RSRC1: variants seen among roughly 807,000 people sequenced by gnomAD.
RSRC1 encodes the protein serine/Arginine-related protein 53.
In RSRC1, 39 loss-of-function variants were observed where a neutral mutation model predicts 49.1. The observed-to-expected ratio is 0.79, with a 90% confidence interval of 0.61 to 1.04. The LOEUF is 1.04. Ranked by LOEUF, RSRC1 falls within the 50% of genes least tolerant of loss-of-function variation. The pLI is 0.00. For synonymous variants in RSRC1, 143 were observed against 130.8 expected (o/e 1.09, Z -0.63); for missense variants, 388 against 402.4 (o/e 0.96, Z 0.31).
intron 6 of RSRC1, among the ~76,000 whole-genome samples, chr3:158,411,169 A>G (rs1734445499): frequency 6.6e-6 from 1 of 152,096 alleles, no homozygotes; most frequent in African/African-American, 2.4e-5. Context: ...TGAACATATT[A>G]CAAACTTTTT....
chr3:158,290,199 A>G (rs1269641994), intron 4 of RSRC1, among the ~76,000 whole-genome samples: 1 of 152,134 alleles, frequency 6.6e-6, no homozygotes, highest in Non-Finnish European at 1.5e-5. Flanking sequence ...GGCGAGAAAA[A>G]TTTGAGAAAT....
rs184558350 is a variant in RSRC1 at position 158,260,049 on chromosome 3, G to T, written c.495-37990G>T. Among the ~76,000 whole-genome samples, 5 of 152,194 alleles carry T rather than the reference G, an allele frequency of 3.3e-5. No individual in the cohort carries two copies. In the South Asian group the frequency reaches 1.0e-3, roughly 32 times the overall value. ...CAAGGCCTGGAATTGAGGACCCCAG[G>T]TGTCCACTTGGTGCTCTACCCCAGT... On this transcript the variant is annotated intron_variant, in intron 4 of 9. Coordinates refer to ENST00000611884, the MANE Select transcript of RSRC1 (RefSeq NM_001271838.2).
At position 158,482,005 on chromosome 3, in the gene RSRC1, A is replaced by G. The variant is rs1322269134; in HGVS notation, c.652+21002A>G. Among the ~76,000 whole-genome samples, 7 of 152,038 alleles carry G rather than the reference A, an allele frequency of 4.6e-5. No individual in the cohort carries two copies. In the East Asian group the frequency reaches 7.7e-4, roughly 17 times the overall value. ...AAGGAATCCTAAAAACTCAGAGTAA[A>G]GAGTTCATTTTGAAAATGCAGAATT... On this transcript the variant is annotated intron_variant, in intron 7 of 9. Transcript: ENST00000611884.
chr3:158,157,985 G>A (rs568206488), intron 3 of RSRC1, among the ~76,000 whole-genome samples: 1 of 151,598 alleles, frequency 6.6e-6, no homozygotes, highest in South Asian at 2.1e-4. Flanking sequence ...TTTTTTAACT[G>A]TTACTATTTA....
At chr3:158,366,491 G>T (rs1472016847) in intron 6 of RSRC1, among the ~76,000 whole-genome samples, 1 of 152,100 alleles carries the variant, frequency 6.6e-6, no homozygotes, top group East Asian at 1.9e-4. Context: ...CCTCTGTTCT[G>T]TTCCATTGGT....
At position 158,406,737 on chromosome 3, in the gene RSRC1, C is replaced by A. The variant is rs375288912; in HGVS notation, c.583+51829C>A. Among the ~76,000 whole-genome samples the A allele has an allele frequency of 3.2e-4, 49 of 152,218 alleles. No individual in the cohort carries two copies. In the East Asian group the frequency reaches 7.1e-3, roughly 22 times the overall value. On this transcript the variant is annotated intron_variant, in intron 6 of 9. Transcript: ENST00000611884. ...ATTAGAATCATCTCTTTTGCTTGTCCATGAGCACTAATCTAGTGGAAGTCC... is the reference window on the plus strand; with the variant it reads ...ATTAGAATCATCTCTTTTGCTTGTCAATGAGCACTAATCTAGTGGAAGTCC...
rs966266938 is a variant in RSRC1, at chr3:158,123,933, A to G, written c.262A>G (p.Arg88Gly). Residue 88 changes from arginine to glycine, a missense_variant, in exon 3 of 10, where the codon AGG (arginine) becomes GGG (glycine). Coordinates refer to ENST00000611884, the MANE Select transcript of RSRC1 (RefSeq NM_001271838.2). ...AAGGAAACGAAGTCGAAGTCGTTCA[A>G]GGGGTCGAGGGAAATCCTATAGAGT... ...SRRKRSRSRS[R>G]GRGKSYRVQR... The G allele has an allele frequency of 1.2e-5, 20 of 1,612,914 alleles. No individual in the cohort carries two copies. The highest frequency in any genetic ancestry group is 1.7e-5 in the Admixed American group (1 of 59,960).
chr3:158,449,857 T>G (rs927653808), intron 6 of RSRC1, among the ~76,000 whole-genome samples: 3 of 151,950 alleles, frequency 2.0e-5, no homozygotes, highest in African/African-American at 7.2e-5. Flanking sequence ...CTGTCCTCGG[T>G]TAAGTGTCCC....
chr3:158,283,380 A>T (rs889753786), intron 4 of RSRC1, among the ~76,000 whole-genome samples: 14 of 152,170 alleles, frequency 9.2e-5, no homozygotes, highest in Non-Finnish European at 1.6e-4. Context: ...GAACAAAAAA[A>T]GTACTCATAA....
intron 6 of RSRC1, among the ~76,000 whole-genome samples, chr3:158,419,868 T>TTGATATTA (rs1734946161): frequency 1.3e-5 from 2 of 151,312 alleles, no homozygotes. Flanking sequence ...AGTACAGCAC[T>TTGATATTA]TGATATTAAC....
intron 6 of RSRC1, among the ~76,000 whole-genome samples, chr3:158,411,084 G>A (rs1734441066): frequency 6.6e-6 from 1 of 152,050 alleles, no homozygotes; most frequent in African/African-American, 2.4e-5. Context: ...CTGTTTCTCA[G>A]TGTTGTTCTT....
At chr3:158,169,006 G>T (rs1248194783) in intron 3 of RSRC1, among the ~76,000 whole-genome samples, 1 of 151,886 alleles carries the variant, frequency 6.6e-6, no homozygotes, top group African/African-American at 2.4e-5. Flanking sequence ...CGTTGTTCCC[G>T]CTCCCTATAA....
At chr3:158,433,420 A>G (rs1290218772) in intron 6 of RSRC1, among the ~76,000 whole-genome samples, 1 of 152,004 alleles carries the variant, frequency 6.6e-6, no homozygotes, top group Non-Finnish European at 1.5e-5. Flanking sequence ...CAGAGATGCT[A>G]CAGTACAATG....
At chr3:158,213,569 G>C (rs374589813) in intron 4 of RSRC1, among the ~76,000 whole-genome samples, 12 of 151,986 alleles carry the variant, frequency 7.9e-5, no homozygotes, top group Admixed American at 2.0e-4. Context: ...GTGCAGTTAG[G>C]GAAATACAAC....
At chr3:158,537,505 GTT>G (rs1459723294) in intron 8 of RSRC1, among the ~76,000 whole-genome samples, 5 of 151,432 alleles carry the variant, frequency 3.3e-5, no homozygotes, top group African/African-American at 1.2e-4. Flanking sequence ...AACATACATG[GTT>G]TTCTTTTCAA....
intron 6 of RSRC1, among the ~76,000 whole-genome samples, chr3:158,411,812 C>G (rs1034745842): frequency 3.3e-5 from 5 of 151,958 alleles, no homozygotes; most frequent in Non-Finnish European, 7.4e-5. Context: ...TTGTTTGTTT[C>G]TTTTTCCTTA....
At chr3:158,442,460 T>C (rs2108375798) in intron 6 of RSRC1, among the ~76,000 whole-genome samples, 1 of 152,214 alleles carries the variant, frequency 6.6e-6, no homozygotes, top group East Asian at 1.9e-4. Flanking sequence ...TTTTTGTTAA[T>C]ACTTAAGAAG....
chr3:158,360,320 A>C (rs796490714), intron 6 of RSRC1, among the ~76,000 whole-genome samples: 1 of 152,114 alleles, frequency 6.6e-6, no homozygotes. Context: ...AGGGGGAGGA[A>C]ATACACACTG....
chr3:158,159,074 A>G (rs1718054922), intron 3 of RSRC1, among the ~76,000 whole-genome samples: 1 of 152,190 alleles, frequency 6.6e-6, no homozygotes, highest in Admixed American at 6.5e-5. Context: ...GTAACTGCCC[A>G]GAGACCCTCT....
Sources: allele counts gnomAD v4.1 joint callset (sites outside exome capture counted in the v4.1 genomes callset), GRCh38; gene constraint gnomAD v4.1.1; transcripts MANE v1.5; gene names NCBI Gene and HGNC (gene_info 2026-07-23, HGNC 2026-07-21).